The following SERINC5 variants were observed in gnomAD, a reference collection of about 807,000 sequenced individuals.
SERINC5 encodes the protein chromosome 5 open reading frame 12.
In SERINC5, 41 loss-of-function variants were observed where a neutral mutation model predicts 63.1. That is an observed-to-expected ratio of 0.65 (90% CI 0.51 to 0.84). The LOEUF is 0.84. Among genes scored for constraint, SERINC5 ranks in the 40% least tolerant of loss-of-function variants. SERINC5 has a pLI of 0.00. For synonymous variants in SERINC5, 222 were observed against 215.2 expected (o/e 1.03, Z -0.28); for missense variants, 523 against 573.0 (o/e 0.91, Z 0.89).
intron 11 of SERINC5, among the ~76,000 whole-genome samples, chr5:80,131,549 C>T (rs1186748007): frequency 6.7e-6 from 1 of 150,320 alleles, no homozygotes; most frequent in African/African-American, 2.5e-5. Context: ...GAGGAGCATA[C>T]CTCCTGGATT....
At chr5:80,195,360 C>G (rs1419986365) in intron 2 of SERINC5, among the ~76,000 whole-genome samples, 2 of 151,866 alleles carry the variant, frequency 1.3e-5, no homozygotes, top group Admixed American at 6.6e-5. Flanking sequence ...CAAAATTACA[C>G]TTGTACCCCC....
At chr5:80,247,748 C>G (rs1752226545) in intron 1 of SERINC5, among the ~76,000 whole-genome samples, 1 of 152,140 alleles carries the variant, frequency 6.6e-6, no homozygotes, top group African/African-American at 2.4e-5. Flanking sequence ...CCCTCCTTAC[C>G]CAAGGAGGAT....
chr5:80,150,079 G>C (rs748536931), intron 9 of SERINC5, among the ~76,000 whole-genome samples: 4 of 152,216 alleles, frequency 2.6e-5, no homozygotes, highest in African/African-American at 4.8e-5. Flanking sequence ...TGACAAATGA[G>C]TTAATGTATC....
At chr5:80,189,252 G>A (rs1191198138) in intron 2 of SERINC5, among the ~76,000 whole-genome samples, 2 of 152,094 alleles carry the variant, frequency 1.3e-5, no homozygotes, top group Non-Finnish European at 2.9e-5. Flanking sequence ...TGGAGGTGCC[G>A]GCAAGAGAGG....
chr5:80,115,836 A>G (rs1744305287), intron 11 of SERINC5, among the ~76,000 whole-genome samples: 1 of 152,086 alleles, frequency 6.6e-6, no homozygotes, highest in Admixed American at 6.5e-5. Context: ...TGCAAGCAAG[A>G]CCACTTAGAA....
At chr5:80,197,401 C>T (rs1252200879) in intron 2 of SERINC5, among the ~76,000 whole-genome samples, 1 of 131,980 alleles carries the variant, frequency 7.6e-6, no homozygotes, top group Non-Finnish European at 1.6e-5. Context: ...TTGTATGATT[C>T]CATTTATACG....
At chr5:80,174,198 C>G (rs1195734370) in intron 5 of SERINC5, among the ~76,000 whole-genome samples, 3 of 151,718 alleles carry the variant, frequency 2.0e-5, no homozygotes, top group Non-Finnish European at 4.4e-5. Flanking sequence ...CCATCTCTAC[C>G]AAGCAAACAA....
intron 1 of SERINC5, among the ~76,000 whole-genome samples, chr5:80,233,056 C>G (rs1427704885): frequency 2.0e-5 from 3 of 152,176 alleles, no homozygotes; most frequent in Non-Finnish European, 4.4e-5. Context: ...TGTAAATATA[C>G]TATAAAACCA....
chr5:80,174,831 AC>A (rs1286670329), intron 5 of SERINC5, 122 bp downstream of exon 5: 1 of 595,322 alleles, frequency 1.7e-6, no homozygotes, highest in Non-Finnish European at 3.0e-6. Context: ...ATGAAGAGGT[AC>A]AAAAAAGCAG....
chr5:80,139,611 A>AGAGAGAG lies in SERINC5; in HGVS notation c.*4051_*4052insCTCTCTC. The AGAGAGAG allele has an allele frequency of 4.1e-6, 4 of 984,894 alleles. No individual in the cohort carries two copies. Among genetic ancestry groups the AGAGAGAG allele is most frequent in the African/African-American group, 1.7e-5 (1 of 57,152 alleles). 61.0% of individuals were successfully genotyped at this position (984,894 alleles called of 1,614,324 possible). ...GAAAGAAGAAAAGAGAGAGAGAGAG[A>AGAGAGAG]AAGGTCTAAACATCTGTGTGAACAG... On this transcript the variant is annotated 3_prime_UTR_variant, in exon 12 of 12. Transcript: ENST00000507668.
In SERINC5 at chr5:80,189,572, A is replaced by G. The variant is rs539118268; in HGVS notation, c.196-11508T>C. Among the ~76,000 whole-genome samples the G allele has an allele frequency of 1.7e-3, 255 of 152,372 alleles. 1 individual carries two copies. The highest frequency in any genetic ancestry group is 0.014 in the Middle Eastern group (4 of 294). On this transcript the variant is annotated intron_variant, in intron 2 of 11. Coordinates refer to ENST00000507668, the MANE Select transcript of SERINC5 (RefSeq NM_001174072.3). ...TGAGGTGAACACGGCTGATGGAAAGATATCTCTTGAACATAGAAATGTGAA... is the reference window on the plus strand; with the variant it reads ...TGAGGTGAACACGGCTGATGGAAAGGTATCTCTTGAACATAGAAATGTGAA...
chr5:80,178,537 ATTTTTTTTT>A (rs1182662594), intron 2 of SERINC5, among the ~76,000 whole-genome samples: 1,170 of 77,598 alleles, frequency 0.015, 33 homozygotes, highest in African/African-American at 0.053. Context: ...TAATTTTTGT[ATTTTTTTTT>A]TTTTTTTTTT....
chr5:80,242,954 G>A (rs891236038), intron 1 of SERINC5, among the ~76,000 whole-genome samples: 1 of 152,120 alleles, frequency 6.6e-6, no homozygotes, highest in African/African-American at 2.4e-5. Flanking sequence ...TTTCTTCCCT[G>A]CTATACAAAC....
At chr5:80,198,597 C>A in intron 2 of SERINC5, 1 of 985,416 alleles carries the variant, frequency 1.0e-6, no homozygotes, top group Non-Finnish European at 1.2e-6. Context: ...CTCTTCCAGT[C>A]ACAGTCTCAG....
chr5:80,184,841 C>T (rs115141539), intron 2 of SERINC5, among the ~76,000 whole-genome samples: 3,227 of 152,208 alleles, frequency 0.021, 126 homozygotes, highest in African/African-American at 0.073. Context: ...GCTCTGGGCA[C>T]CCAAGGACAG....
At chr5:80,148,189 C>CTTTTTTTTTT (rs796769914) in intron 9 of SERINC5, among the ~76,000 whole-genome samples, 13,251 of 100,738 alleles carry the variant, frequency 0.13, 1,092 homozygotes, top group South Asian at 0.17. Flanking sequence ...ATTTTTTATT[C>CTTTTTTTTTT]TTTTTTTTTT....
chr5:80,224,860 G>A (rs1751092046), intron 1 of SERINC5, among the ~76,000 whole-genome samples: 1 of 151,662 alleles, frequency 6.6e-6, no homozygotes, highest in Admixed American at 6.6e-5. Flanking sequence ...TCCTGACCTC[G>A]TGATCCACCT....
downstream of SERINC5, among the ~76,000 whole-genome samples, chr5:80,135,601 CAT>C (rs773721656): frequency 2.6e-5 from 4 of 151,188 alleles, no homozygotes; most frequent in Non-Finnish European, 5.9e-5. Context: ...TTAAACAGTT[CAT>C]AGTGTCCAGT....
intron 1 of SERINC5, among the ~76,000 whole-genome samples, chr5:80,218,098 AAAAC>A (rs1041121817): frequency 5.9e-5 from 9 of 152,222 alleles, no homozygotes; most frequent in African/African-American, 1.4e-4. Context: ...CTCCATCTCA[AAAAC>A]AAACAAACAA....
Sources: gnomAD v4.1 joint callset for allele counts (sites outside exome capture counted in the v4.1 genomes callset) on GRCh38, gnomAD v4.1.1 for gene constraint, MANE v1.5 for transcripts, NCBI Gene and HGNC (gene_info 2026-07-23, HGNC 2026-07-21) for gene names.